Variants in GLIPR1L1 observed in about 807,000 individuals in gnomAD.
GLIPR1L1 encodes GLIPR1-like protein 1.
GLIPR1L1 carries 26 observed loss-of-function variants against 29.9 expected under a neutral mutation model. The ratio of observed to expected loss-of-function variants is 0.87; its 90% CI spans 0.64 to 1.21. The LOEUF is 1.21. GLIPR1L1 is among the 50% of genes most tolerant of loss of function. GLIPR1L1 has a pLI of 0.00. For missense variants in GLIPR1L1, 305 were observed against 290.3 expected, an observed-to-expected ratio of 1.05 and a Z score of -0.37; for synonymous variants, 77 against 97.5, an observed-to-expected ratio of 0.79 and a Z score of 1.24.
intron 1 of GLIPR1L1, 144 bp downstream of exon 1, chr12:75,335,046 TG>T: frequency 2.8e-6 from 2 of 718,716 alleles, no homozygotes; most frequent in South Asian, 3.9e-5. Context: ...ACACCTTGGT[TG>T]GGCTGTCTCC....
chr12:75,337,350 G>T (rs1264756399), intron 1 of GLIPR1L1, among the ~76,000 whole-genome samples: 1 of 151,476 alleles, frequency 6.6e-6, no homozygotes, highest in East Asian at 1.9e-4. Flanking sequence ...TAAACCAGTA[G>T]TAAAAAAAAG....
At chr12:75,358,027 C>T (rs2043268665) in intron 3 of GLIPR1L1, among the ~76,000 whole-genome samples, 1 of 146,964 alleles carries the variant, frequency 6.8e-6, no homozygotes, top group Non-Finnish European at 1.5e-5. Flanking sequence ...AAATAACAAA[C>T]AGAAAAACAG....
chr12:75,353,673 C>T (rs1410924620), intron 3 of GLIPR1L1, among the ~76,000 whole-genome samples: 1 of 152,134 alleles, frequency 6.6e-6, no homozygotes, highest in African/African-American at 2.4e-5. Flanking sequence ...ATACCAAAAC[C>T]TGGCAAAGAA....
intron 3 of GLIPR1L1, among the ~76,000 whole-genome samples, chr12:75,350,693 T>C (rs192486908): frequency 6.6e-6 from 1 of 152,056 alleles, no homozygotes; most frequent in Admixed American, 6.5e-5. Flanking sequence ...CATCCAAAGG[T>C]CAGCAGATTC....
chr12:75,340,405 G>T (rs1565953578), intron 1 of GLIPR1L1, among the ~76,000 whole-genome samples: 1 of 151,320 alleles, frequency 6.6e-6, no homozygotes, highest in African/African-American at 2.4e-5. Flanking sequence ...TATAAGAAAA[G>T]AAAAAACTTT....
At chr12:75,359,005 T>C (rs1033822997) in intron 3 of GLIPR1L1, among the ~76,000 whole-genome samples, 13 of 149,554 alleles carry the variant, frequency 8.7e-5, no homozygotes, top group Non-Finnish European at 1.8e-4. Flanking sequence ...AAACAGACCA[T>C]AGGACAGATT....
At chr12:75,360,351 G>T (rs1261815455) in intron 3 of GLIPR1L1, 1 of 152,108 alleles carries the variant, frequency 6.6e-6, no homozygotes, top group African/African-American at 2.4e-5. Context: ...TCTGAGAAAA[G>T]GCAAGTCCCT....
intron 3 of GLIPR1L1, among the ~76,000 whole-genome samples, chr12:75,351,974 C>T (rs1218303169): frequency 6.6e-6 from 1 of 152,126 alleles, no homozygotes; most frequent in African/African-American, 2.4e-5. Flanking sequence ...TTCATCACCA[C>T]CAGGCCTGCC....
chr12:75,344,019 T>C (rs1201001882), intron 2 of GLIPR1L1, 81 bp downstream of exon 2: 2 of 1,198,756 alleles, frequency 1.7e-6, no homozygotes, highest in African/African-American at 1.5e-5. Flanking sequence ...GTATGTAAAG[T>C]GCCTTTATTT....
chr12:75,340,885 G>A (rs112509906), intron 1 of GLIPR1L1, among the ~76,000 whole-genome samples: 23 of 151,754 alleles, frequency 1.5e-4, no homozygotes, highest in Non-Finnish European at 2.8e-4. Context: ...GACATATCAC[G>A]ACACACCAAT....
chr12:75,335,015 C>T, intron 1 of GLIPR1L1, 113 bp downstream of exon 1: 2 of 1,041,012 alleles, frequency 1.9e-6, no homozygotes, highest in Non-Finnish European at 2.8e-6. Flanking sequence ...TACATATATG[C>T]AGTTAAAAAG....
At chr12:75,357,197 A>G (rs2043211025) in intron 3 of GLIPR1L1, among the ~76,000 whole-genome samples, 1 of 152,174 alleles carries the variant, frequency 6.6e-6, no homozygotes, top group African/African-American at 2.4e-5. Flanking sequence ...CGCTAAATAA[A>G]TAAATAAATG....
Position 75,367,742 on chromosome 12 carries a change from G to A in GLIPR1L1, c.611-2218G>A, listed in dbSNP as rs568959016. On this transcript the variant is annotated intron_variant, in intron 4 of 5. Coordinates refer to ENST00000378695, the MANE Select transcript of GLIPR1L1 (RefSeq NM_001304964.2). ...TATATGATGACAAATCATGTCTTCC[G>A]TTAAAAATAATGCGTTTTGTTCTTT... Among the ~76,000 whole-genome samples, 111 of 152,070 alleles carry A rather than the reference G, an allele frequency of 7.3e-4. 1 individual carries two copies. The highest frequency in any genetic ancestry group is 2.4e-3 in the African/African-American group (100 of 41,508).
At chr12:75,350,207 C>A (rs1443987140) in intron 3 of GLIPR1L1, among the ~76,000 whole-genome samples, 1 of 152,214 alleles carries the variant, frequency 6.6e-6, no homozygotes, top group Non-Finnish European at 1.5e-5. Context: ...TTCAGCACCC[C>A]CAGCCAGGGG....
At chr12:75,348,909 C>T (rs1418444757) in intron 3 of GLIPR1L1, among the ~76,000 whole-genome samples, 3 of 152,144 alleles carry the variant, frequency 2.0e-5, no homozygotes, top group Non-Finnish European at 4.4e-5. Flanking sequence ...CCCTATAATT[C>T]CCCCAGCTTC....
rs535077451 is a variant in GLIPR1L1 at position 75,370,294 on chromosome 12, C to T, written c.*118C>T. 46 of 579,188 alleles carry T rather than the reference C, an allele frequency of 7.9e-5. 1 individual carries two copies. In the East Asian group the frequency reaches 9.8e-4, roughly 12 times the overall value. The allele number at this position is 579,188 out of a possible 1,614,324, so 35.9% of individuals were successfully genotyped here. Reference sequence around the variant, plus strand: ...AATCTTCTACACTCTTGCCTGATACCTAAATTTAATGTTTGTTTTTAACTC... The same window carrying T: ...AATCTTCTACACTCTTGCCTGATACTTAAATTTAATGTTTGTTTTTAACTC... On this transcript the variant is annotated 3_prime_UTR_variant, in exon 6 of 6. Transcript: ENST00000378695.
intron 1 of GLIPR1L1, among the ~76,000 whole-genome samples, chr12:75,342,705 A>G (rs1179589914): frequency 6.6e-6 from 1 of 152,126 alleles, no homozygotes; most frequent in Non-Finnish European, 1.5e-5. Context: ...TTTGTAATCA[A>G]TTTCCACCCC....
At position 75,369,960 on chromosome 12, in the gene GLIPR1L1, G is replaced by A; in HGVS notation, c.611G>A (p.Arg204Lys). 16 of 1,090,918 alleles carry A rather than the reference G, an allele frequency of 1.5e-5. No homozygotes were observed. Among genetic ancestry groups the A allele is most frequent in the Non-Finnish European group, 2.1e-5 (16 of 776,946 alleles). The allele number at this position is 1,090,918 out of a possible 1,614,324, so 67.6% of individuals were successfully genotyped here. Residue 204 changes from arginine (R) to lysine (K), a missense_variant and splice_region_variant, in exon 5 of 6, where the codon AGG becomes AAG. By Grantham distance (26) the Arg-to-Lys change is conservative. Coordinates refer to ENST00000378695, the MANE Select transcript of GLIPR1L1 (RefSeq NM_001304964.2). Reference sequence around the variant, plus strand: ...ATATTAACTTTAATTTTTACTTTAGGGACTCCACAACTTATTATACCTAAC... The same window carrying A: ...ATATTAACTTTAATTTTTACTTTAGAGACTCCACAACTTATTATACCTAAC... ...KEEKCVKNLC[R>K]TPQLIIPNQN... is the part of the protein sequence containing the mutation.
rs552390204 is a variant in GLIPR1L1, at chr12:75,358,185, AAAT to A, written c.522-4908_522-4906del. 5.6e-4 allele frequency among the ~76,000 whole-genome samples: 85 copies of A among 151,942 alleles called. 1 individual carries two copies. Among genetic ancestry groups the A allele is most frequent in the South Asian group, 8.3e-4 (4 of 4,830 alleles). The stretch of plus-strand genomic sequence containing the variant: ...TACAAATATTAAAAGTAAAATAAGA[AAAT>A]AATAATAACATTTATGCCAATAAAT... On this transcript the variant is annotated intron_variant, in intron 3 of 5. Transcript: ENST00000378695.
Sources: gnomAD v4.1 joint callset for allele counts (sites outside exome capture counted in the v4.1 genomes callset) on GRCh38, gnomAD v4.1.1 for gene constraint, MANE v1.5 for transcripts, NCBI Gene and HGNC (gene_info 2026-07-23, HGNC 2026-07-21) for gene names.